DIP2C: variants seen among roughly 807,000 people sequenced by gnomAD.
The protein encoded by DIP2C is DIP2 acetate--CoA ligase C (putative).
DIP2C carries 33 observed loss-of-function variants against 192.4 expected under a neutral mutation model. That is an observed-to-expected ratio of 0.17 (90% confidence interval 0.13 to 0.23). The LOEUF (loss-of-function observed/expected upper bound fraction) is 0.23, where lower values mean the gene tolerates loss of function less well. Among genes scored for constraint, DIP2C ranks in the 10% least tolerant of loss-of-function variants. DIP2C has a pLI of 1.00. For missense variants in DIP2C, 1,537 were observed against 2,110.1 expected (o/e 0.73, Z 5.32); for synonymous variants, 979 against 864.1 (o/e 1.13, Z -2.33).
At chr10:487,191 C>T (rs1019000623) in intron 1 of DIP2C, among the ~76,000 whole-genome samples, 11 of 152,308 alleles carry the variant, frequency 7.2e-5, no homozygotes, top group East Asian at 1.9e-4. Context: ...GCCACCTCAT[C>T]GACACACAGA....
At chr10:417,589 T>C (rs1965729127) in intron 6 of DIP2C, among the ~76,000 whole-genome samples, 1 of 152,160 alleles carries the variant, frequency 6.6e-6, no homozygotes, top group South Asian at 2.1e-4. Flanking sequence ...AGTGCGCCTG[T>C]TGGAGCTAGG....
At chr10:342,169 T>C (rs1053271870) in intron 28 of DIP2C, among the ~76,000 whole-genome samples, 50 of 152,216 alleles carry the variant, frequency 3.3e-4, no homozygotes, top group Non-Finnish European at 1.9e-4. Context: ...CTCTCTTTTT[T>C]TTTTTTTGAG....
At chr10:576,407 C>T (rs1292200706) in intron 1 of DIP2C, among the ~76,000 whole-genome samples, 1 of 152,218 alleles carries the variant, frequency 6.6e-6, no homozygotes, top group East Asian at 1.9e-4. Context: ...TGGTCTCAGC[C>T]ATGGGACAGC....
intron 1 of DIP2C, among the ~76,000 whole-genome samples, chr10:523,255 A>T (rs1846828293): frequency 6.9e-6 from 1 of 145,284 alleles, no homozygotes; most frequent in Admixed American, 6.9e-5. Flanking sequence ...TATGACCCAC[A>T]CACTCGTTTC....
chr10:356,990 G>A (rs1236835995), intron 23 of DIP2C, among the ~76,000 whole-genome samples: 1 of 152,228 alleles, frequency 6.6e-6, no homozygotes, highest in African/African-American at 2.4e-5. Flanking sequence ...ATACCCTGAT[G>A]GCATGAAGCC....
At chr10:540,139 A>G (rs76624913) in intron 1 of DIP2C, among the ~76,000 whole-genome samples, 89 of 152,384 alleles carry the variant, frequency 5.8e-4, no homozygotes, top group Non-Finnish European at 1.1e-3. Flanking sequence ...CATATTTCCT[A>G]TTTATGAGAA....
intron 32 of DIP2C, among the ~76,000 whole-genome samples, chr10:305,424 T>TA (rs35347917): frequency 0.8 from 121,813 of 152,144 alleles, 49,867 homozygotes; most frequent in Non-Finnish European, 0.89. Context: ...ATTCTGCTGC[T>TA]AAGTCTCAAG....
In DIP2C at chr10:349,444, G is replaced by A. The variant is rs1476468047; in HGVS notation, c.2996C>T (p.Ala999Val). ...CAGCTGCACGCAGGTCAGCGAGTTC[G>A]CTATCGCACCCTGCGGGCCGATCAC... ...YTLLNCRGAIANSLTCVQLHK... is the reference protein window; with the variant it reads ...YTLLNCRGAIVNSLTCVQLHK... Residue 999 changes from alanine (A) to valine (V), a missense_variant, in exon 25 of 37, where the codon GCG becomes GTG. By Grantham distance (64) the Ala-to-Val change is moderately conservative. Around this residue, in one of 4 missense-constraint regions of DIP2C, gnomAD observed 677 missense variants for 989.9 expected, o/e 0.68. Transcript: ENST00000280886. The A allele has an allele frequency of 8.1e-6, 13 of 1,606,284 alleles. No homozygotes were observed. Among genetic ancestry groups the A allele is most frequent in the South Asian group, 2.2e-5 (2 of 90,998 alleles).
At position 419,143 on chromosome 10, in the gene DIP2C, C is replaced by A. The variant is rs376449380; in HGVS notation, c.661G>T (p.Val221Leu). 1 of 1,614,244 alleles carries A rather than the reference C, an allele frequency of 6.2e-7. No homozygotes were observed. The highest frequency in any genetic ancestry group is 1.7e-5 in the Admixed American group (1 of 60,028). ...CCCGTGGAACCCTGCGGTCTCTCCA[C>A]CTGTATCGAGTGCTCTGAGGTGTAC... is the stretch of plus-strand genomic sequence containing the variant. ...TTYTSEHSIQVERPQGSTGSR... is the reference protein window; with the variant it reads ...TTYTSEHSIQLERPQGSTGSR... Residue 221 changes from valine to leucine, a missense_variant, in exon 6 of 37, where the codon GTG becomes TTG. Val to Leu is a conservative substitution (Grantham distance 32, BLOSUM62 1). Around this residue, in one of 4 missense-constraint regions of DIP2C, gnomAD observed 473 missense variants for 539.6 expected, o/e 0.88. Coordinates refer to ENST00000280886, the MANE Select transcript of DIP2C (RefSeq NM_014974.3).
chr10:397,140 TAGCCACAAAGAC>T (rs1430094344), intron 10 of DIP2C, among the ~76,000 whole-genome samples: 1 of 152,066 alleles, frequency 6.6e-6, no homozygotes, highest in African/African-American at 2.4e-5. Flanking sequence ...AATGCTGGAG[TAGCCACAAAGAC>T]AGCTGAAGTT....
intron 35 of DIP2C, chr10:282,014 A>G (rs1352266429): frequency 1.3e-5 from 2 of 152,302 alleles, no homozygotes; most frequent in African/African-American, 4.8e-5. Context: ...GACATATAAA[A>G]TAACATCAGA....
At chr10:536,213 T>C (rs964914640) in intron 1 of DIP2C, among the ~76,000 whole-genome samples, 1 of 152,192 alleles carries the variant, frequency 6.6e-6, no homozygotes, top group African/African-American at 2.4e-5. Context: ...ATCACGCCCA[T>C]CTCTGCCTCT....
intron 17 of DIP2C, among the ~76,000 whole-genome samples, chr10:377,674 T>TC (rs1001292052): frequency 9.1e-4 from 139 of 152,332 alleles, no homozygotes; most frequent in African/African-American, 3.0e-3. Flanking sequence ...TGACGTTTTC[T>TC]CCGCTGTCAC....
intron 1 of DIP2C, among the ~76,000 whole-genome samples, chr10:616,995 G>A (rs1325206868): frequency 6.6e-6 from 1 of 152,096 alleles, no homozygotes; most frequent in East Asian, 1.9e-4. Flanking sequence ...AGGAAAGAAA[G>A]CCAGGGAGGG....
Position 553,305 on chromosome 10 carries a change from G to GGAA in DIP2C, c.86-66778_86-66776dup, listed in dbSNP as rs1848675770. 6.6e-5 allele frequency among the ~76,000 whole-genome samples: 10 copies of GGAA among 152,328 alleles called. No individual in the cohort carries two copies. The South Asian group carries it at 2.1e-3, about 32-fold the overall frequency. On this transcript the variant is annotated intron_variant, in intron 1 of 36. Coordinates refer to ENST00000280886, the MANE Select transcript of DIP2C (RefSeq NM_014974.3). ...AAAAAGCCTCTGCAGAAATCAGCTGGGAAGCAGGGCTGCGTGTGTGGCGCC... is the reference window on the plus strand; with the variant it reads ...AAAAAGCCTCTGCAGAAATCAGCTGGGAAGAAGCAGGGCTGCGTGTGTGGCGCC...
chr10:583,513 G>GT, intron 1 of DIP2C, among the ~76,000 whole-genome samples: 1 of 152,218 alleles, frequency 6.6e-6, no homozygotes, highest in South Asian at 2.1e-4. Context: ...ATATAACTTT[G>GT]TAAGCAGTCA....
chr10:328,919 G>A (rs545097846), intron 30 of DIP2C, among the ~76,000 whole-genome samples: 1 of 152,196 alleles, frequency 6.6e-6, no homozygotes, highest in South Asian at 2.1e-4. Flanking sequence ...TTAAATGGAG[G>A]GAAATACTAT....
chr10:627,149 T>G (rs1035161583), intron 1 of DIP2C, among the ~76,000 whole-genome samples: 2 of 152,194 alleles, frequency 1.3e-5, no homozygotes, highest in African/African-American at 2.4e-5. Context: ...CTCTGTAACA[T>G]CCTCCAAGGA....
chr10:485,491 C>T (rs1843950542), intron 2 of DIP2C, among the ~76,000 whole-genome samples: 1 of 152,198 alleles, frequency 6.6e-6, no homozygotes, highest in South Asian at 2.1e-4. Context: ...TTCACTGTTA[C>T]ATCACTGTCT....
Sources: allele counts gnomAD v4.1 joint callset (sites outside exome capture counted in the v4.1 genomes callset), GRCh38; gene constraint gnomAD v4.1.1; regional missense constraint gnomAD v4.1.1; transcripts MANE v1.5; gene names NCBI Gene and HGNC (gene_info 2026-07-23, HGNC 2026-07-21).